FHIP1A: variants seen among roughly 807,000 people sequenced by gnomAD.
The protein encoded by FHIP1A is FHF complex subunit HOOK-interacting protein 1A.
Under a neutral mutation model 88.6 loss-of-function variants are expected in FHIP1A, and 61 were observed. The observed-to-expected ratio is 0.69, with a 90% CI of 0.56 to 0.85. The LOEUF (loss-of-function observed/expected upper bound fraction) is 0.85, where lower values mean the gene tolerates loss of function less well. Ranked by LOEUF, FHIP1A falls within the 40% of genes least tolerant of loss-of-function variation. The pLI, the probability that FHIP1A is intolerant of heterozygous loss-of-function variation, is 0.00. For synonymous variants in FHIP1A, 478 were observed against 496.0 expected (o/e 0.96, Z 0.48); for missense variants, 1,154 against 1,273.5 (o/e 0.91, Z 1.43).
At chr4:151,513,669 C>A (rs1163662219) in intron 3 of FHIP1A, among the ~76,000 whole-genome samples, 1 of 152,100 alleles carries the variant, frequency 6.6e-6, no homozygotes, top group Non-Finnish European at 1.5e-5. Context: ...TCTGATAAAA[C>A]AGACTTTAAA....
chr4:151,607,477 A>G (rs1453370062), intron 7 of FHIP1A, among the ~76,000 whole-genome samples: 1 of 152,202 alleles, frequency 6.6e-6, no homozygotes, highest in Non-Finnish European at 1.5e-5. Context: ...TTTTAGTGAC[A>G]AGTGTAAGAG....
intron 3 of FHIP1A, among the ~76,000 whole-genome samples, chr4:151,556,049 T>C (rs2126754303): frequency 6.6e-6 from 1 of 152,244 alleles, no homozygotes; most frequent in Non-Finnish European, 1.5e-5. Context: ...CAGTAAACAA[T>C]GTATAAATGT....
chr4:151,493,634 T>G (rs1580630237), intron 3 of FHIP1A, among the ~76,000 whole-genome samples: 2 of 152,356 alleles, frequency 1.3e-5, no homozygotes, highest in South Asian at 4.1e-4. Flanking sequence ...CATGATCAAG[T>G]GGATTTCATA....
intron 3 of FHIP1A, among the ~76,000 whole-genome samples, chr4:151,554,979 A>G (rs1374938238): frequency 6.6e-6 from 1 of 152,162 alleles, no homozygotes; most frequent in Non-Finnish European, 1.5e-5. Context: ...CCAGAGAGAG[A>G]GAGCCAAACT....
In FHIP1A at chr4:151,482,566, G is replaced by A. The variant is rs1460326497; in HGVS notation, c.-205G>A. 6.6e-6 allele frequency: 1 copy of A among 151,988 alleles called. No individual in the cohort carries two copies. Among genetic ancestry groups the A allele is most frequent in the African/African-American group, 2.4e-5 (1 of 41,412 alleles). 9.4% of individuals were successfully genotyped at this position (151,988 alleles called of 1,614,324 possible). ...CTAGGGGTTTCCAGCAGAGCCAAATGTTAGAAAAATCTTTCCGCTCCTCTG... is the reference window on the plus strand; with the variant it reads ...CTAGGGGTTTCCAGCAGAGCCAAATATTAGAAAAATCTTTCCGCTCCTCTG... On this transcript the variant is annotated 5_prime_UTR_variant, in exon 3 of 14. The change abolishes an upstream ATG in the 5' untranslated region. Transcript: ENST00000435205.
intron 3 of FHIP1A, among the ~76,000 whole-genome samples, chr4:151,482,939 T>C (rs1318575702): frequency 6.6e-6 from 1 of 152,120 alleles, no homozygotes; most frequent in Non-Finnish European, 1.5e-5. Context: ...TAGTCTAAAC[T>C]CATTTAGAAC....
chr4:151,460,167 G>A (rs1174282611), intron 2 of FHIP1A, among the ~76,000 whole-genome samples: 1 of 152,032 alleles, frequency 6.6e-6, no homozygotes, highest in African/African-American at 2.4e-5. Flanking sequence ...TTTAAAATGT[G>A]GGTAAATTTT....
chr4:151,416,439 A>C (rs1732893265), intron 1 of FHIP1A, among the ~76,000 whole-genome samples: 2 of 152,164 alleles, frequency 1.3e-5, no homozygotes, highest in East Asian at 1.9e-4. Context: ...ATGAGTATAG[A>C]AAAATATGTT....
chr4:151,635,265 C>T (rs1400696769), intron 8 of FHIP1A, among the ~76,000 whole-genome samples: 4 of 151,754 alleles, frequency 2.6e-5, no homozygotes, highest in Non-Finnish European at 5.9e-5. Context: ...ACCTTTGTGT[C>T]TTGTTTATGG....
intron 13 of FHIP1A, among the ~76,000 whole-genome samples, chr4:151,658,275 C>A (rs909642489): frequency 6.6e-6 from 1 of 152,202 alleles, no homozygotes; most frequent in Non-Finnish European, 1.5e-5. Flanking sequence ...TGCAAAAACT[C>A]ATTGGCTTAA....
intron 3 of FHIP1A, among the ~76,000 whole-genome samples, chr4:151,527,176 T>TG (rs1467672532): frequency 6.6e-6 from 1 of 152,128 alleles, no homozygotes; most frequent in Non-Finnish European, 1.5e-5. Context: ...GGCAGGCTGC[T>TG]GGGAGGTGGA....
chr4:151,507,787 T>TGA (rs1730888038), intron 3 of FHIP1A, among the ~76,000 whole-genome samples: 1 of 152,172 alleles, frequency 6.6e-6, no homozygotes, highest in South Asian at 2.1e-4. Flanking sequence ...TTCTGTCCTC[T>TGA]GAGAGAGAGA....
In FHIP1A at chr4:151,570,609, G is replaced by T. The variant is rs140620851; in HGVS notation, c.105+4245G>T. On this transcript the variant is annotated intron_variant, in intron 4 of 13. Coordinates refer to ENST00000435205, the MANE Select transcript of FHIP1A (RefSeq NM_001109977.3). The stretch of plus-strand genomic sequence containing the variant: ...TGGGACTGCAGAGATGTGCCACTGC[G>T]TGTAGCCCAACCACTTTTTATTAAA... Among the ~76,000 whole-genome samples, 7 of 152,230 alleles carry T rather than the reference G, an allele frequency of 4.6e-5. No homozygotes were observed. In the East Asian group the frequency reaches 1.4e-3, roughly 29 times the overall value.
chr4:151,541,523 G>A lies in FHIP1A; in HGVS notation c.-122-24615G>A, dbSNP rs77448814. ...GCTCCTGCATGCCAAGTACTGCTGG[G>A]TTTCGTCCCTTTTAATGAGTGTGAC... On this transcript the variant is annotated intron_variant, in intron 3 of 13. Coordinates refer to ENST00000435205, the MANE Select transcript of FHIP1A (RefSeq NM_001109977.3). Among the ~76,000 whole-genome samples, 934 of 152,274 alleles carry A rather than the reference G, an allele frequency of 6.1e-3. 12 individuals carry two copies. The highest frequency in any genetic ancestry group is 0.021 in the African/African-American group (871 of 41,556).
chr4:151,661,282 G>A (rs1026335963), intron 13 of FHIP1A, among the ~76,000 whole-genome samples: 12 of 152,062 alleles, frequency 7.9e-5, no homozygotes, highest in African/African-American at 1.4e-4. Context: ...CTCTGTTGCC[G>A]GGACATGAAT....
At chr4:151,599,532 G>C (rs143911137) in intron 7 of FHIP1A, among the ~76,000 whole-genome samples, 1 of 152,176 alleles carries the variant, frequency 6.6e-6, no homozygotes, top group Non-Finnish European at 1.5e-5. Flanking sequence ...GGCAGAGAAG[G>C]CTGGCTGGAA....
chr4:151,587,862 AC>A (rs1451541281), intron 6 of FHIP1A, among the ~76,000 whole-genome samples: 1 of 152,060 alleles, frequency 6.6e-6, no homozygotes, highest in African/African-American at 2.4e-5. Context: ...CAGTCTATCA[AC>A]CTATCAACAT....
intron 7 of FHIP1A, among the ~76,000 whole-genome samples, chr4:151,594,310 G>A (rs963171602): frequency 6.6e-6 from 1 of 152,178 alleles, no homozygotes; most frequent in South Asian, 2.1e-4. Context: ...AGTTTCAGAA[G>A]GAATGGTACC....
At chr4:151,557,481 G>T (rs1263364321) in intron 3 of FHIP1A, among the ~76,000 whole-genome samples, 1 of 152,196 alleles carries the variant, frequency 6.6e-6, no homozygotes, top group Non-Finnish European at 1.5e-5. Context: ...TAGTGGAGAA[G>T]ACTTTTAATT....
Sources: gnomAD v4.1 joint callset for allele counts (sites outside exome capture counted in the v4.1 genomes callset) on GRCh38, gnomAD v4.1.1 for gene constraint, MANE v1.5 for transcripts, NCBI Gene and HGNC (gene_info 2026-07-23, HGNC 2026-07-21) for gene names.